FSTL5: variants seen among roughly 807,000 people sequenced by gnomAD.
FSTL5 encodes the protein follistatin like 5, also known as follistatin-related protein 5.
In FSTL5, 62 loss-of-function variants were observed where a neutral mutation model predicts 89.1. The observed-to-expected ratio is 0.70, with a 90% confidence interval of 0.57 to 0.86. FSTL5 has a LOEUF of 0.86. FSTL5 is among the 40% of genes least tolerant of loss of function. FSTL5 has a pLI of 0.00. For synonymous variants in FSTL5, 383 were observed against 346.2 expected (o/e 1.11, Z -1.18); for missense variants, 1,057 against 1,001.6 (o/e 1.06, Z -0.75).
Position 161,753,543 on chromosome 4 carries a change from T to C in FSTL5, c.727+5868A>G, listed in dbSNP as rs571223793. Among the ~76,000 whole-genome samples the C allele has an allele frequency of 2.6e-5, 4 of 152,312 alleles. No individual in the cohort carries two copies. The South Asian group carries it at 6.2e-4, about 24-fold the overall frequency. On this transcript the variant is annotated intron_variant, in intron 6 of 15. Transcript: ENST00000306100. ...TATATTAGTGCAACATTCTTAATTT[T>C]GTTCACTAAACTCTGCTATTTTTCT...
chr4:161,835,961 C>G (rs1312275167), intron 4 of FSTL5, among the ~76,000 whole-genome samples: 2 of 151,858 alleles, frequency 1.3e-5, no homozygotes, highest in African/African-American at 4.8e-5. Context: ...TGGGTATATA[C>G]CCAAAGGACT....
At chr4:161,601,452 C>T (rs866195456) in intron 7 of FSTL5, among the ~76,000 whole-genome samples, 10 of 151,796 alleles carry the variant, frequency 6.6e-5, no homozygotes, top group Non-Finnish European at 1.3e-4. Context: ...AAACCCTTAC[C>T]GATGTGAACA....
chr4:161,449,912 C>G (rs1171686201), intron 15 of FSTL5, among the ~76,000 whole-genome samples: 1 of 152,094 alleles, frequency 6.6e-6, no homozygotes. Context: ...CTTATTCGTG[C>G]TACGTCAAAA....
intron 4 of FSTL5, among the ~76,000 whole-genome samples, chr4:161,820,359 T>C (rs1443858180): frequency 6.6e-6 from 1 of 152,146 alleles, no homozygotes; most frequent in Non-Finnish European, 1.5e-5. Context: ...TGAATTCAAA[T>C]AGGCATATAT....
chr4:162,104,222 T>C (rs1241709910), intron 2 of FSTL5, among the ~76,000 whole-genome samples: 1 of 152,212 alleles, frequency 6.6e-6, no homozygotes, highest in African/African-American at 2.4e-5. Flanking sequence ...CACGGCTAAG[T>C]GCCTGGGTTC....
chr4:161,514,755 A>G (rs893035342), intron 10 of FSTL5, among the ~76,000 whole-genome samples: 6 of 152,174 alleles, frequency 3.9e-5, no homozygotes, highest in Non-Finnish European at 7.4e-5. Context: ...ATAGAAGACA[A>G]TCAAAATTTG....
intron 14 of FSTL5, among the ~76,000 whole-genome samples, chr4:161,456,685 T>G (rs893834999): frequency 4.6e-5 from 7 of 152,214 alleles, no homozygotes; most frequent in Non-Finnish European, 7.3e-5. Flanking sequence ...CTGATAATCT[T>G]TTGGGAGACA....
At chr4:161,484,644 T>C (rs1729617969) in intron 12 of FSTL5, among the ~76,000 whole-genome samples, 1 of 152,218 alleles carries the variant, frequency 6.6e-6, no homozygotes, top group Admixed American at 6.5e-5. Context: ...ACATCATCTC[T>C]TTTAAAAGAT....
At chr4:161,692,583 T>C (rs1737979566) in intron 6 of FSTL5, among the ~76,000 whole-genome samples, 1 of 152,066 alleles carries the variant, frequency 6.6e-6, no homozygotes, top group Admixed American at 6.5e-5. Context: ...AAAAAGAGGA[T>C]ATTAAGACAC....
At chr4:162,088,193 C>T (rs1460473300) in intron 2 of FSTL5, among the ~76,000 whole-genome samples, 1 of 148,640 alleles carries the variant, frequency 6.7e-6, no homozygotes, top group Non-Finnish European at 1.5e-5. Context: ...CAAGATATAT[C>T]AAATGTGGCA....
At chr4:162,020,389 G>A (rs969220012) in intron 3 of FSTL5, among the ~76,000 whole-genome samples, 9 of 152,024 alleles carry the variant, frequency 5.9e-5, no homozygotes, top group Admixed American at 2.0e-4. Context: ...TATTTAAGGA[G>A]TCCCTCAGTC....
In FSTL5 at chr4:161,664,122, C is replaced by G. The variant is rs180995947; in HGVS notation, c.728-7628G>C. 6.0e-3 allele frequency among the ~76,000 whole-genome samples: 918 copies of G among 152,322 alleles called. 9 individuals are homozygous for G. The highest frequency in any genetic ancestry group is 0.045 in the South Asian group (219 of 4,828). On this transcript the variant is annotated intron_variant, in intron 6 of 15. Transcript: ENST00000306100. ...CTGGGCCTCTGGCCCTGTGATGGGA[C>G]GGGCTGCGGTGAAGGTCTCTGACAC...
rs180855498 is a variant in FSTL5 at position 161,579,148 on chromosome 4, C to G, written c.1015+8307G>C. Reference sequence around the variant, plus strand: ...AATATACTGTGTGTTTTATAACATACGTAGAAGTTAAATGTTTGATAATAT... The same window carrying G: ...AATATACTGTGTGTTTTATAACATAGGTAGAAGTTAAATGTTTGATAATAT... On this transcript the variant is annotated intron_variant, in intron 8 of 15. Transcript: ENST00000306100. Among the ~76,000 whole-genome samples the G allele has an allele frequency of 4.5e-4, 68 of 151,914 alleles. No individual in the cohort carries two copies. In the East Asian group the frequency reaches 6.8e-3, roughly 15 times the overall value.
At chr4:161,663,028 TACTC>T (rs1187357898) in intron 6 of FSTL5, among the ~76,000 whole-genome samples, 3 of 152,094 alleles carry the variant, frequency 2.0e-5, no homozygotes, top group Non-Finnish European at 4.4e-5. Flanking sequence ...TCGTGAGACT[TACTC>T]ACTATCAAGA....
At chr4:161,635,898 G>T (rs889313420) in intron 7 of FSTL5, among the ~76,000 whole-genome samples, 4 of 151,972 alleles carry the variant, frequency 2.6e-5, no homozygotes, top group African/African-American at 9.7e-5. Context: ...GTAAACAGTT[G>T]CCAACAAACA....
chr4:161,844,447 G>T (rs534074350), intron 4 of FSTL5, among the ~76,000 whole-genome samples: 43 of 152,206 alleles, frequency 2.8e-4, no homozygotes, highest in African/African-American at 9.6e-4. Flanking sequence ...ATACTCAAAG[G>T]TTTATAAATC....
At chr4:161,878,410 C>T (rs1732517605) in intron 4 of FSTL5, among the ~76,000 whole-genome samples, 2 of 152,026 alleles carry the variant, frequency 1.3e-5, no homozygotes, top group South Asian at 4.1e-4. Context: ...ATTATTTTTA[C>T]TTTAATAGTC....
chr4:161,782,203 T>C (rs1394554400), intron 4 of FSTL5, among the ~76,000 whole-genome samples: 2 of 152,224 alleles, frequency 1.3e-5, no homozygotes, highest in African/African-American at 4.8e-5. Context: ...TATAAACATC[T>C]GTGTGAAGGT....
chr4:161,420,346 T>C (rs1327911258), intron 15 of FSTL5, among the ~76,000 whole-genome samples: 1 of 152,196 alleles, frequency 6.6e-6, no homozygotes, highest in Non-Finnish European at 1.5e-5. Flanking sequence ...GTCATAAGTA[T>C]CTCCTCCTTA....
Sources: gnomAD v4.1 joint callset for allele counts (sites outside exome capture counted in the v4.1 genomes callset) on GRCh38, gnomAD v4.1.1 for gene constraint, MANE v1.5 for transcripts, NCBI Gene and HGNC (gene_info 2026-07-23, HGNC 2026-07-21) for gene names.